The following IRAG1 variants were observed in gnomAD, a reference collection of about 807,000 sequenced individuals.
The protein encoded by IRAG1 is inositol 1,4,5-triphosphate receptor associated 1.
In IRAG1, 62 loss-of-function variants were observed where a neutral mutation model predicts 106.2. The observed-to-expected ratio is 0.58, with a 90% confidence interval of 0.48 to 0.72. IRAG1 has a LOEUF of 0.72. IRAG1 is among the 30% of genes least tolerant of loss of function. IRAG1 has a pLI of 0.00. For synonymous variants in IRAG1, 462 were observed against 443.9 expected (o/e 1.04, Z -0.51); for missense variants, 1,064 against 1,140.7 (o/e 0.93, Z 0.97).
Position 10,633,462 on chromosome 11 carries a change from G to C in IRAG1, c.329+506C>G, listed in dbSNP as rs541135680. ...GGCTAGTGCTCTGTGAAACCAAGGCGGAGACATTCCTCTACCTGTGAGCCC... is the reference window on the plus strand; with the variant it reads ...GGCTAGTGCTCTGTGAAACCAAGGCCGAGACATTCCTCTACCTGTGAGCCC... On this transcript the variant is annotated intron_variant, in intron 3 of 20. Coordinates refer to ENST00000423302, the MANE Select transcript of IRAG1 (RefSeq NM_130385.4). 3.3e-5 allele frequency among the ~76,000 whole-genome samples: 5 copies of C among 152,162 alleles called. No homozygotes were observed. The East Asian group carries it at 9.6e-4, about 29-fold the overall frequency.
chr11:10,588,145 C>T (rs1031953870), intron 18 of IRAG1, among the ~76,000 whole-genome samples: 2 of 152,202 alleles, frequency 1.3e-5, no homozygotes, highest in African/African-American at 4.8e-5. Flanking sequence ...AAATAGTTAA[C>T]AGTAATTACC....
At chr11:10,579,962 G>A (rs1294532989) in intron 20 of IRAG1, among the ~76,000 whole-genome samples, 2 of 152,234 alleles carry the variant, frequency 1.3e-5, no homozygotes, top group Non-Finnish European at 2.9e-5. Context: ...GTAGGCACCT[G>A]CTGGAGACTC....
rs921416922 is a variant in IRAG1, at chr11:10,622,745, G to A, written c.1447+1033C>T. 6.6e-5 allele frequency among the ~76,000 whole-genome samples: 10 copies of A among 151,918 alleles called. No individual in the cohort carries two copies. In the East Asian group the frequency reaches 1.9e-3, roughly 29 times the overall value. ...GTCTCAAAGTCCTCAGCTCAAGCAA[G>A]CCACCTCCCTCCCAAAGTGCTGGGA... On this transcript the variant is annotated intron_variant, in intron 10 of 20. Transcript: ENST00000423302.
At chr11:10,685,144 A>C (rs1312200662) in intron 1 of IRAG1, among the ~76,000 whole-genome samples, 1 of 152,212 alleles carries the variant, frequency 6.6e-6, no homozygotes, top group Non-Finnish European at 1.5e-5. Flanking sequence ...GCACATAGAC[A>C]TTCAGAATTG....
At chr11:10,629,451 G>A in intron 5 of IRAG1, 87 bp downstream of exon 5, 2 of 1,433,838 alleles carry the variant, frequency 1.4e-6, no homozygotes, top group Non-Finnish European at 1.9e-6. Context: ...CCTCGGAGGT[G>A]AGGCGCCCAC....
At chr11:10,600,828 TG>T in intron 15 of IRAG1, 89 bp downstream of exon 15, 1 of 1,532,192 alleles carries the variant, frequency 6.5e-7, no homozygotes. Context: ...AAATAAGTCC[TG>T]GGGCTGTTCT....
At chr11:10,600,762 A>G (rs1182000208) in intron 15 of IRAG1, among the ~76,000 whole-genome samples, 156 bp downstream of exon 15, 3 of 152,202 alleles carry the variant, frequency 2.0e-5, no homozygotes, top group African/African-American at 7.2e-5. Flanking sequence ...GGCCCACTGA[A>G]GCAGCTGCTG....
chr11:10,683,023 G>T (rs1861384567), intron 1 of IRAG1, among the ~76,000 whole-genome samples: 1 of 152,178 alleles, frequency 6.6e-6, no homozygotes. Flanking sequence ...GGGAATGCAG[G>T]ATGACTTGGT....
In IRAG1 at chr11:10,614,397, C is replaced by G. The variant is rs571418431; in HGVS notation, c.1448-4546G>C. 3.3e-5 allele frequency among the ~76,000 whole-genome samples: 5 copies of G among 152,300 alleles called. No individual in the cohort carries two copies. The South Asian group carries it at 1.0e-3, about 32-fold the overall frequency. Reference sequence around the variant, plus strand: ...ATAATTTATAGATTTCATGCCATCCCCATCAAGCTACCAATGACTTTCTTC... The same window carrying G: ...ATAATTTATAGATTTCATGCCATCCGCATCAAGCTACCAATGACTTTCTTC... On this transcript the variant is annotated intron_variant, in intron 10 of 20. Coordinates refer to ENST00000423302, the MANE Select transcript of IRAG1 (RefSeq NM_130385.4).
chr11:10,678,759 T>C (rs1860906209), intron 1 of IRAG1, among the ~76,000 whole-genome samples: 1 of 152,248 alleles, frequency 6.6e-6, no homozygotes. Context: ...ACTCTACCAG[T>C]TGGCACCTCA....
chr11:10,636,914 A>T (rs1451833843), intron 2 of IRAG1, among the ~76,000 whole-genome samples: 1 of 152,210 alleles, frequency 6.6e-6, no homozygotes, highest in Admixed American at 6.5e-5. Flanking sequence ...TAGCTGGTGC[A>T]GGTGCATGGA....
intron 1 of IRAG1, among the ~76,000 whole-genome samples, chr11:10,678,517 T>C (rs1860887148): frequency 6.6e-6 from 1 of 152,162 alleles, no homozygotes; most frequent in Non-Finnish European, 1.5e-5. Context: ...GGCTGACAGA[T>C]TCAGAGGATG....
chr11:10,595,476 A>C (rs1853193198), intron 15 of IRAG1, among the ~76,000 whole-genome samples: 1 of 152,214 alleles, frequency 6.6e-6, no homozygotes, highest in Non-Finnish European at 1.5e-5. Context: ...ATTTAAAATT[A>C]AACAAGCTCT....
rs543527477 is a variant in IRAG1 at position 10,635,418 on chromosome 11, A to G, written c.226-1347T>C. The stretch of plus-strand genomic sequence containing the variant: ...GTGCTGCCTCCCGCAGCTTCAAAGC[A>G]GTGGGTGCCCACTGTCTCTATTGCC... On this transcript the variant is annotated intron_variant, in intron 2 of 20. Coordinates refer to ENST00000423302, the MANE Select transcript of IRAG1 (RefSeq NM_130385.4). Among the ~76,000 whole-genome samples, 12 of 152,334 alleles carry G rather than the reference A, an allele frequency of 7.9e-5. No individual in the cohort carries two copies. The East Asian group carries it at 2.1e-3, about 27-fold the overall frequency.
At chr11:10,581,050 A>T (rs1012624766) in intron 19 of IRAG1, among the ~76,000 whole-genome samples, 1 of 152,232 alleles carries the variant, frequency 6.6e-6, no homozygotes, top group Non-Finnish European at 1.5e-5. Flanking sequence ...TACGAAACCA[A>T]TGAAGGAGTT....
chr11:10,691,713 G>A lies in IRAG1; in HGVS notation c.67+1823C>T, dbSNP rs146181392. 6.1e-4 allele frequency among the ~76,000 whole-genome samples: 7 copies of A among 11,414 alleles called. No individual in the cohort carries two copies. The Admixed American group carries it at 6.6e-3, about 11-fold the overall frequency. The allele number at this position is 11,414 out of a possible 152,430, so 7.5% of individuals were successfully genotyped here. A position where few individuals can be genotyped will look rare whatever the true frequency, so the allele number is the denominator to read the frequency against. ...ATACATCCCCCATGGCATTCTGTGA[G>A]GGGGCATGTGAAATCCCTCGTGGAA... On this transcript the variant is annotated intron_variant, in intron 1 of 20. Transcript: ENST00000423302.
intron 10 of IRAG1, among the ~76,000 whole-genome samples, chr11:10,615,927 TATA>T (rs1342121279): frequency 1.2e-5 from 1 of 81,598 alleles, no homozygotes; most frequent in African/African-American, 3.1e-5. Context: ...GAACTTAAAG[TATA>T]ATAATAAAAA....
At chr11:10,613,481 C>T (rs56979316) in intron 10 of IRAG1, among the ~76,000 whole-genome samples, 3,921 of 152,248 alleles carry the variant, frequency 0.026, 180 homozygotes, top group African/African-American at 0.089. Context: ...GAACACAGCA[C>T]CTCTGAACTC....
intron 3 of IRAG1, among the ~76,000 whole-genome samples, chr11:10,633,519 T>C (rs570538791): frequency 2.0e-5 from 3 of 152,286 alleles, no homozygotes; most frequent in African/African-American, 4.8e-5. Flanking sequence ...ATTTCACACG[T>C]TTTGGCCAGG....
Sources: allele counts gnomAD v4.1 joint callset (sites outside exome capture counted in the v4.1 genomes callset), GRCh38; gene constraint gnomAD v4.1.1; transcripts MANE v1.5; gene names NCBI Gene and HGNC (gene_info 2026-07-23, HGNC 2026-07-21).